The following NAALADL2 variants were observed in gnomAD, a reference collection of about 807,000 sequenced individuals.
NAALADL2 encodes the protein N-acetylated alpha-linked acidic dipeptidase like 2.
NAALADL2 carries 76 observed loss-of-function variants against 87.2 expected under a neutral mutation model. The ratio of observed to expected loss-of-function variants is 0.87; its 90% CI spans 0.72 to 1.05. The LOEUF is 1.05. NAALADL2 is among the 50% of genes least tolerant of loss of function. NAALADL2 has a pLI of 0.00. For synonymous variants in NAALADL2, 354 were observed against 331.0 expected, an observed-to-expected ratio of 1.07 and a Z score of -0.75; for missense variants, 1,089 against 945.8, an observed-to-expected ratio of 1.15 and a Z score of -1.99.
At chr3:174,684,319 G>C (rs1278251457) in intron 2 of NAALADL2, among the ~76,000 whole-genome samples, 1 of 152,002 alleles carries the variant, frequency 6.6e-6, no homozygotes, top group Non-Finnish European at 1.5e-5. Flanking sequence ...GGGTATTCAA[G>C]ATTATTAAAA....
intron 5 of NAALADL2, among the ~76,000 whole-genome samples, chr3:175,340,555 G>A (rs989577744): frequency 2.6e-5 from 4 of 152,154 alleles, no homozygotes; most frequent in African/African-American, 2.4e-5. Flanking sequence ...CCCCTTCTCA[G>A]TTCTACAAAG....
At chr3:175,419,080 C>A (rs886693052) in intron 5 of NAALADL2, among the ~76,000 whole-genome samples, 1 of 151,496 alleles carries the variant, frequency 6.6e-6, no homozygotes, top group African/African-American at 2.4e-5. Context: ...AGCTCACAGA[C>A]CTGTCAAGTG....
intron 2 of NAALADL2, among the ~76,000 whole-genome samples, chr3:175,194,372 C>T (rs1738673531): frequency 6.6e-6 from 1 of 151,704 alleles, no homozygotes; most frequent in African/African-American, 2.4e-5. Flanking sequence ...CTCATCCCTA[C>T]CAAAAAGGAG....
intron 1 of NAALADL2, among the ~76,000 whole-genome samples, chr3:174,948,650 C>A (rs1005235673): frequency 7.9e-5 from 12 of 152,028 alleles, no homozygotes; most frequent in Non-Finnish European, 5.9e-5. Flanking sequence ...GGACACAGAA[C>A]AATAAAGATG....
intron 1 of NAALADL2, among the ~76,000 whole-genome samples, chr3:174,939,822 A>G (rs989083292): frequency 1.3e-5 from 2 of 152,054 alleles, no homozygotes; most frequent in East Asian, 1.9e-4. Context: ...GTTGTGGTAT[A>G]TAGCAATGCT....
chr3:174,853,827 A>G (rs1725552558), intron 3 of NAALADL2, among the ~76,000 whole-genome samples: 1 of 152,206 alleles, frequency 6.6e-6, no homozygotes, highest in Non-Finnish European at 1.5e-5. Context: ...AACTACAATG[A>G]TATATCCTCT....
At chr3:175,068,798 G>A (rs902143766) in intron 1 of NAALADL2, among the ~76,000 whole-genome samples, 7 of 152,132 alleles carry the variant, frequency 4.6e-5, no homozygotes, top group Admixed American at 1.3e-4. Context: ...CATCTGGGAC[G>A]CAACATTTGC....
At chr3:175,800,725 T>C (rs1754043888) in intron 13 of NAALADL2, among the ~76,000 whole-genome samples, 1 of 152,236 alleles carries the variant, frequency 6.6e-6, no homozygotes, top group Middle Eastern at 3.4e-3. Context: ...CTAAGCCAGA[T>C]AAAAATTTAA....
At position 174,657,088 on chromosome 3, in the gene NAALADL2, G is replaced by T. The variant is rs75413966; in HGVS notation, c.-114-80553G>T. 1.9e-3 allele frequency among the ~76,000 whole-genome samples: 236 copies of T among 126,384 alleles called. 7 individuals are homozygous for T. In the East Asian group the frequency reaches 0.049, roughly 26 times the overall value. 82.9% of individuals were successfully genotyped at this position (126,384 alleles called of 152,430 possible). ...TCCGTTGCCTAGATTGGAGTTCAAC[G>T]GTGTGATCTTTGCTCACTACAACCT... On this transcript the variant is annotated intron_variant, in intron 2 of 3. Transcript: ENST00000434257.
At chr3:174,809,003 T>C (rs1373773517) in intron 3 of NAALADL2, among the ~76,000 whole-genome samples, 1 of 152,190 alleles carries the variant, frequency 6.6e-6, no homozygotes, top group Non-Finnish European at 1.5e-5. Flanking sequence ...ATTCTGTAAA[T>C]CTTTTCTCAT....
chr3:175,445,552 CTT>C (rs1720549482), intron 5 of NAALADL2, among the ~76,000 whole-genome samples: 1 of 152,132 alleles, frequency 6.6e-6, no homozygotes, highest in Non-Finnish European at 1.5e-5. Flanking sequence ...TGACTTACCA[CTT>C]TGAGAGATAG....
chr3:175,145,672 T>C (rs187641698), intron 2 of NAALADL2, among the ~76,000 whole-genome samples: 11 of 140,294 alleles, frequency 7.8e-5, no homozygotes, highest in Admixed American at 6.5e-4. Flanking sequence ...ACTGTCTTGA[T>C]ACTTCTGTGT....
At chr3:175,564,992 C>G (rs1716881686) in intron 9 of NAALADL2, among the ~76,000 whole-genome samples, 1 of 152,216 alleles carries the variant, frequency 6.6e-6, no homozygotes, top group African/African-American at 2.4e-5. Context: ...GTCTTTTAAT[C>G]TAATAAATTA....
At chr3:174,730,435 G>A (rs1049355769) in intron 2 of NAALADL2, among the ~76,000 whole-genome samples, 1 of 151,988 alleles carries the variant, frequency 6.6e-6, no homozygotes, top group Non-Finnish European at 1.5e-5. Flanking sequence ...CATTTATGCT[G>A]TTACACAGCA....
chr3:175,323,686 G>T (rs1343364936), intron 4 of NAALADL2, among the ~76,000 whole-genome samples: 1 of 150,306 alleles, frequency 6.7e-6, no homozygotes, highest in African/African-American at 2.4e-5. Context: ...AGTAGAAAAA[G>T]CTTCTGGGCT....
intron 3 of NAALADL2, among the ~76,000 whole-genome samples, chr3:174,822,395 T>C (rs2109336212): frequency 6.6e-6 from 1 of 152,270 alleles, no homozygotes; most frequent in Middle Eastern, 3.4e-3. Flanking sequence ...GGAAATCATA[T>C]AAAAATATTG....
intron 1 of NAALADL2, among the ~76,000 whole-genome samples, chr3:174,961,561 A>T (rs1332465285): frequency 1.3e-5 from 2 of 152,062 alleles, no homozygotes; most frequent in East Asian, 1.9e-4. Context: ...ACTAGAGGAG[A>T]TAGTGTAGAT....
intron 5 of NAALADL2, among the ~76,000 whole-genome samples, chr3:175,414,715 G>A (rs1714256866): frequency 6.6e-6 from 1 of 152,142 alleles, no homozygotes; most frequent in African/African-American, 2.4e-5. Flanking sequence ...GCCAATAGGT[G>A]CAGACATATC....
chr3:175,718,201 T>G (rs867832501), intron 11 of NAALADL2: 142 of 593,774 alleles, frequency 2.4e-4, no homozygotes, highest in Admixed American at 8.9e-4. Flanking sequence ...TGTGGTTTTT[T>G]TTTTTTTTTT....
Sources: gnomAD v4.1 joint callset for allele counts (sites outside exome capture counted in the v4.1 genomes callset) on GRCh38, gnomAD v4.1.1 for gene constraint, MANE v1.5 for transcripts, NCBI Gene and HGNC (gene_info 2026-07-23, HGNC 2026-07-21) for gene names.